STK3: variants seen among roughly 807,000 people sequenced by gnomAD.
STK3 encodes serine/threonine-protein kinase 3.
In STK3, 41 loss-of-function variants were observed where a neutral mutation model predicts 58.0. The ratio of observed to expected loss-of-function variants is 0.71; its 90% CI spans 0.55 to 0.92. STK3 has a LOEUF of 0.92. Among genes scored for constraint, STK3 ranks in the 40% least tolerant of loss-of-function variants. STK3 has a pLI of 0.00. For synonymous variants in STK3, 170 were observed against 191.0 expected, an observed-to-expected ratio of 0.89 and a Z score of 0.91; for missense variants, 479 against 602.7, an observed-to-expected ratio of 0.79 and a Z score of 2.15.
Position 98,428,684 on chromosome 8 carries a change from T to C in STK3, n.483+5443A>G, listed in dbSNP as rs765702013. ...TCGAAATCGTGGAGCACTTTGGCAT[T>C]GCCTGGTTCACATTTGAGCTGGTGG... On this transcript the variant is annotated intron_variant and non_coding_transcript_variant, in intron 3 of 3. Transcript: ENST00000517832. The surrounding 1 kb of genome is among the most constrained non-coding windows in gnomAD (Gnocchi z 6.7). The C allele has an allele frequency of 2.5e-6, 4 of 1,614,218 alleles. No individual in the cohort carries two copies. The highest frequency in any genetic ancestry group is 2.5e-6 in the Non-Finnish European group (3 of 1,180,038).
intron 8 of STK3, among the ~76,000 whole-genome samples, chr8:98,559,392 C>T (rs749022469): frequency 2.6e-5 from 4 of 152,208 alleles, no homozygotes; most frequent in South Asian, 2.1e-4. Flanking sequence ...CAGAGCTAAA[C>T]GCAGTATTCC....
Position 98,428,855 on chromosome 8 carries a change from G to C in STK3, n.483+5272C>G. 1.9e-6 allele frequency: 3 copies of C among 1,614,168 alleles called. No individual in the cohort carries two copies. The highest frequency in any genetic ancestry group is 2.5e-6 in the Non-Finnish European group (3 of 1,180,036). On this transcript the variant is annotated intron_variant and non_coding_transcript_variant, in intron 3 of 3. Transcript: ENST00000517832. The surrounding 1 kb of genome is among the most constrained non-coding windows in gnomAD (Gnocchi z 6.7). ...CACCTACTTTAGCCAACTTGGGCAG[G>C]GTGGCCCAGGTCCTGAGGCTGATGC...
At chr8:98,657,497 T>A (rs1212743975) in intron 6 of STK3, among the ~76,000 whole-genome samples, 1 of 152,012 alleles carries the variant, frequency 6.6e-6, no homozygotes, top group Non-Finnish European at 1.5e-5. Context: ...TATGGAAGAA[T>A]AGAATTCCTA....
chr8:98,675,979 A>G (rs1259194490), intron 6 of STK3, among the ~76,000 whole-genome samples: 1 of 152,246 alleles, frequency 6.6e-6, no homozygotes, highest in Admixed American at 6.5e-5. Context: ...ATAGATGCAC[A>G]GATAAACAAA....
the STK3 span, among the ~76,000 whole-genome samples, chr8:98,347,468 T>C: frequency 2.0e-5 from 3 of 151,726 alleles, no homozygotes; most frequent in East Asian, 5.8e-4. Context: ...TGAGCCAAGA[T>C]TGCGCCACTG....
At chr8:98,534,884 C>A (rs1343741156) in intron 9 of STK3, among the ~76,000 whole-genome samples, 4 of 152,070 alleles carry the variant, frequency 2.6e-5, no homozygotes, top group Non-Finnish European at 4.4e-5. Context: ...TTTTATAAAC[C>A]AATTGAGTAA....
rs1286607762 is a variant in STK3 at position 98,616,822 on chromosome 8, G to C, written c.685-20653C>G. On this transcript the variant is annotated intron_variant, in intron 6 of 10. Coordinates refer to ENST00000419617, the MANE Select transcript of STK3 (RefSeq NM_006281.4). Reference sequence around the variant, plus strand: ...CCCAGATTCATAAAGCAAGTCCTGAGTGACCTACAAAGAGACTTAGACTCC... The same window carrying C: ...CCCAGATTCATAAAGCAAGTCCTGACTGACCTACAAAGAGACTTAGACTCC... Among the ~76,000 whole-genome samples, 120 of 150,064 alleles carry C rather than the reference G, an allele frequency of 8.0e-4. 1 individual carries two copies. The highest frequency in any genetic ancestry group is 2.7e-3 in the African/African-American group (110 of 41,078).
At chr8:98,773,424 G>GT (rs1030583313) in intron 2 of STK3, among the ~76,000 whole-genome samples, 3 of 151,770 alleles carry the variant, frequency 2.0e-5, no homozygotes, top group East Asian at 1.9e-4. Flanking sequence ...ATTACTTTCT[G>GT]TTTTTTTATT....
intron 6 of STK3, among the ~76,000 whole-genome samples, chr8:98,681,144 G>T (rs147836093): frequency 2.7e-3 from 415 of 152,054 alleles, no homozygotes; most frequent in African/African-American, 8.6e-3. Flanking sequence ...GACTACAGGC[G>T]CGTGCCACCA....
At chr8:98,612,051 A>C (rs1817238263) in intron 6 of STK3, among the ~76,000 whole-genome samples, 1 of 149,046 alleles carries the variant, frequency 6.7e-6, no homozygotes, top group Admixed American at 6.7e-5. Context: ...AAATATATAT[A>C]AATATACATA....
intron 3 of STK3, among the ~76,000 whole-genome samples, chr8:98,762,209 GAA>G (rs1830663525): frequency 6.6e-6 from 1 of 152,170 alleles, no homozygotes; most frequent in African/African-American, 2.4e-5. Context: ...CCAGCTGAGT[GAA>G]AGTCTCTCTA....
intron 3 of STK3, among the ~76,000 whole-genome samples, chr8:98,412,240 T>A (rs926042581): frequency 1.3e-5 from 2 of 152,200 alleles, no homozygotes; most frequent in Non-Finnish European, 2.9e-5. Context: ...TAACCTCCTC[T>A]CTACCCTCTA....
chr8:98,622,168 G>A lies in STK3; in HGVS notation c.685-25999C>T, dbSNP rs190516098. 5.3e-5 allele frequency among the ~76,000 whole-genome samples: 8 copies of A among 149,574 alleles called. No homozygotes were observed. In the East Asian group the frequency reaches 7.8e-4, roughly 15 times the overall value. On this transcript the variant is annotated intron_variant, in intron 6 of 10. Transcript: ENST00000419617. ...TGCATGCCTGTGTTCCCAGCTATTC[G>A]TGAGGCAGGAGAATCTCTTGAACCC...
intron 6 of STK3, among the ~76,000 whole-genome samples, chr8:98,683,245 T>C (rs1227841566): frequency 1.3e-5 from 2 of 152,052 alleles, no homozygotes; most frequent in Non-Finnish European, 2.9e-5. Flanking sequence ...AAGTAAAAGT[T>C]TGAAAGGCAA....
intron 10 of STK3, among the ~76,000 whole-genome samples, chr8:98,504,358 G>C (rs993434949): frequency 6.6e-6 from 1 of 152,132 alleles, no homozygotes; most frequent in African/African-American, 2.4e-5. Flanking sequence ...GCTAGTCTGT[G>C]TCTTTTAATT....
At chr8:98,658,436 A>T (rs568692297) in intron 6 of STK3, among the ~76,000 whole-genome samples, 1 of 152,170 alleles carries the variant, frequency 6.6e-6, no homozygotes, top group South Asian at 2.1e-4. Context: ...AAACTAAAGC[A>T]AACATATCTG....
intron 1 of STK3, among the ~76,000 whole-genome samples, chr8:98,907,016 G>A (rs113429012): frequency 0.018 from 2,538 of 143,698 alleles, 71 homozygotes; most frequent in African/African-American, 0.068. Context: ...AAATTAGCCA[G>A]GCATGGTGGT....
intron 6 of STK3, among the ~76,000 whole-genome samples, chr8:98,618,613 A>G (rs1285545094): frequency 2.1e-5 from 3 of 146,320 alleles, no homozygotes; most frequent in Admixed American, 6.8e-5. Context: ...AACTTCAGCA[A>G]AGTCTCAGGA....
intron 5 of STK3, 58 bp from the exon 6 acceptor site, chr8:98,706,692 T>C (rs1825986358): frequency 1.4e-6 from 2 of 1,435,260 alleles, no homozygotes; most frequent in Non-Finnish European, 1.8e-6. Context: ...GAAATCTGTA[T>C]GCCAAACATA....
Sources: allele counts gnomAD v4.1 joint callset (sites outside exome capture counted in the v4.1 genomes callset), GRCh38; gene constraint gnomAD v4.1.1; non-coding constraint Gnocchi (gnomAD v3.1); transcripts MANE v1.5; gene names NCBI Gene and HGNC (gene_info 2026-07-23, HGNC 2026-07-21).